Variants in VSTM2A observed in about 807,000 individuals in gnomAD.
The protein encoded by VSTM2A is V-set and transmembrane domain-containing protein 2A.
VSTM2A carries 13 observed loss-of-function variants against 27.3 expected under a neutral mutation model. The ratio of observed to expected loss-of-function variants is 0.48; its 90% CI spans 0.31 to 0.76. The LOEUF is 0.76. Among genes scored for constraint, VSTM2A ranks in the 30% least tolerant of loss-of-function variants. The pLI is 0.05. For synonymous variants in VSTM2A, 142 were observed against 125.7 expected, an observed-to-expected ratio of 1.13 and a Z score of -0.87; for missense variants, 280 against 310.0, an observed-to-expected ratio of 0.90 and a Z score of 0.73.
chr7:54,554,008 C>G, intron 4 of VSTM2A: 1 of 1,553,328 alleles, frequency 6.4e-7, no homozygotes, highest in Admixed American at 2.0e-5. Flanking sequence ...CGGCTTCCTG[C>G]TCCTCTTCCC....
chr7:54,549,502 T>C (rs1272809921), intron 3 of VSTM2A, among the ~76,000 whole-genome samples: 1 of 152,210 alleles, frequency 6.6e-6, no homozygotes, highest in African/African-American at 2.4e-5. Context: ...TTGTGCTTCA[T>C]TGAACTGAGT....
intron 2 of VSTM2A, among the ~76,000 whole-genome samples, chr7:54,545,235 A>G (rs1357524739): frequency 3.3e-5 from 5 of 151,706 alleles, no homozygotes; most frequent in Non-Finnish European, 7.4e-5. Context: ...CAACCAGAGA[A>G]CCAGGGCGGC....
At chr7:54,546,878 T>G (rs1584045804) in intron 2 of VSTM2A, 69 bp from the exon 3 acceptor site, 1 of 1,587,938 alleles carries the variant, frequency 6.3e-7, no homozygotes, top group East Asian at 2.3e-5. Flanking sequence ...CCGCGAAGGC[T>G]ATGCTCGCGT....
chr7:54,552,017 A>C (rs1788216442), intron 4 of VSTM2A: 1 of 152,228 alleles, frequency 6.6e-6, no homozygotes, highest in African/African-American at 2.4e-5. Flanking sequence ...ATTTTATTTT[A>C]ATATCTCTTA....
At chr7:54,546,690 G>C (rs2461636) in intron 2 of VSTM2A, 74,655 of 375,012 alleles carry the variant, frequency 0.2, 7,374 homozygotes, top group African/African-American at 0.29. Context: ...CCGGGACAGC[G>C]CCGGGACAGC....
At chr7:54,559,011 TAATA>T (rs1158734251) in intron 4 of VSTM2A, 2 of 151,928 alleles carry the variant, frequency 1.3e-5, no homozygotes, top group African/African-American at 2.4e-5. Flanking sequence ...CTTAGGAAAA[TAATA>T]AATGTCAATA....
chr7:54,543,238 G>T (rs73118018), intron 1 of VSTM2A, among the ~76,000 whole-genome samples: 18,355 of 152,162 alleles, frequency 0.12, 1,343 homozygotes, highest in Non-Finnish European at 0.17. Context: ...GTAGGTCCGT[G>T]TGACTCCTTT....
chr7:54,560,453 A>T (rs112457440), intron 4 of VSTM2A, among the ~76,000 whole-genome samples: 1 of 152,170 alleles, frequency 6.6e-6, no homozygotes, highest in Non-Finnish European at 1.5e-5. Flanking sequence ...ATATCATGCA[A>T]TCATTTTTCC....
At chr7:54,550,317 C>T (rs2293343) in intron 4 of VSTM2A, 147 bp downstream of exon 4, 875,491 of 1,470,138 alleles carry the variant, frequency 0.6, 262,969 homozygotes, top group Middle Eastern at 0.7. Context: ...AGGTGAGCAC[C>T]GAGCCTGCAC....
rs372372551 is a variant in VSTM2A, at chr7:54,542,858, T to C, written c.79+49T>C. The stretch of plus-strand genomic sequence containing the variant: ...ATACATTTGCTTGCGTGTGTGTGTG[T>C]TTCCTACACTCAAAAAGAATGGACA... On this transcript the variant is annotated intron_variant, in intron 1 of 4. Transcript: ENST00000402613. 177 of 1,534,956 alleles carry C rather than the reference T, an allele frequency of 1.2e-4. 1 individual carries two copies. The highest frequency in any genetic ancestry group is 4.5e-5 in the South Asian group (4 of 88,126).
chr7:54,549,920 G>A lies in VSTM2A; in HGVS notation c.384G>A (p.Arg128=). The change falls in exon 4 of 5, where the codon AGG becomes AGA. Residue 128 remains arginine (R), a synonymous_variant. Coordinates refer to ENST00000402613, the MANE Select transcript of VSTM2A (RefSeq NM_001301009.2). ...AGGATGAAGGCTTATATGAGTGCAG[G>A]GTGACTGATGCCAACTACGGGGAGC... ...RKKDEGLYEC[R]VTDANYGELQ... 1.2e-6 allele frequency: 2 copies of A among 1,613,862 alleles called. No homozygotes were observed. Among genetic ancestry groups the A allele is most frequent in the Non-Finnish European group, 1.7e-6 (2 of 1,179,862 alleles).
chr7:54,564,171 CTG>C (rs1307383436), intron 4 of VSTM2A, among the ~76,000 whole-genome samples: 1 of 152,200 alleles, frequency 6.6e-6, no homozygotes, highest in Non-Finnish European at 1.5e-5. Context: ...AAGTATTTGA[CTG>C]TTGCTACTTT....
chr7:54,562,327 T>C (rs972413754), intron 4 of VSTM2A, among the ~76,000 whole-genome samples: 2 of 152,212 alleles, frequency 1.3e-5, no homozygotes, highest in Admixed American at 6.5e-5. Context: ...TTTCTTCCCT[T>C]CTTTCTTTTT....
intron 4 of VSTM2A, chr7:54,557,323 T>TC (rs1248360950): frequency 8.5e-6 from 1 of 117,948 alleles, no homozygotes; most frequent in African/African-American, 2.8e-5. Flanking sequence ...TTTCTTTCTT[T>TC]TTTTTTTTTT....
At chr7:54,558,345 T>C (rs1052051946) in intron 4 of VSTM2A, 8 of 152,192 alleles carry the variant, frequency 5.3e-5, no homozygotes, top group African/African-American at 1.9e-4. Context: ...ACCAGGTAGA[T>C]ACAGATTTGA....
At chr7:54,544,896 C>T (rs1432603226) in intron 2 of VSTM2A, 108 bp downstream of exon 2, 1 of 1,335,042 alleles carries the variant, frequency 7.5e-7, no homozygotes, top group South Asian at 1.5e-5. Flanking sequence ...TGGGGACCTG[C>T]CCGGTTCTGT....
intron 4 of VSTM2A, among the ~76,000 whole-genome samples, chr7:54,560,667 C>G (rs530379700): frequency 6.6e-6 from 1 of 152,126 alleles, no homozygotes; most frequent in African/African-American, 2.4e-5. Flanking sequence ...ATAAAACATA[C>G]CTAATATAGG....
intron 3 of VSTM2A, among the ~76,000 whole-genome samples, chr7:54,549,244 GT>G (rs1638478756): frequency 6.6e-6 from 1 of 152,048 alleles, no homozygotes; most frequent in South Asian, 2.1e-4. Flanking sequence ...ATATGAAGCT[GT>G]ACCCCAAGCC....
chr7:54,557,549 G>C (rs1306397467), intron 4 of VSTM2A, among the ~76,000 whole-genome samples: 1 of 151,928 alleles, frequency 6.6e-6, no homozygotes, highest in African/African-American at 2.4e-5. Flanking sequence ...GGCCAGGCTG[G>C]TCTCAAACTC....
Sources: gnomAD v4.1 joint callset for allele counts (sites outside exome capture counted in the v4.1 genomes callset) on GRCh38, gnomAD v4.1.1 for gene constraint, MANE v1.5 for transcripts, NCBI Gene and HGNC (gene_info 2026-07-23, HGNC 2026-07-21) for gene names.